CFAP299: variants seen among roughly 807,000 people sequenced by gnomAD.
CFAP299 encodes cilia- and flagella-associated protein 299.
CFAP299 carries 21 observed loss-of-function variants against 27.0 expected under a neutral mutation model. That is an observed-to-expected ratio of 0.78 (90% confidence interval 0.55 to 1.12). The LOEUF (loss-of-function observed/expected upper bound fraction) is 1.12. Ranked by LOEUF, CFAP299 falls within the 50% of genes most tolerant of loss-of-function variation. The pLI is 0.00. For synonymous variants in CFAP299, 104 were observed against 98.1 expected, an observed-to-expected ratio of 1.06 and a Z score of -0.36; for missense variants, 310 against 276.6, an observed-to-expected ratio of 1.12 and a Z score of -0.86.
chr4:80,765,449 C>T (rs957546409), intron 3 of CFAP299, among the ~76,000 whole-genome samples: 7 of 151,834 alleles, frequency 4.6e-5, no homozygotes, highest in African/African-American at 1.7e-4. Flanking sequence ...AGGATGAGCT[C>T]ACAATAAAAA....
intron 2 of CFAP299, among the ~76,000 whole-genome samples, chr4:80,512,150 G>C (rs1295719668): frequency 6.6e-6 from 1 of 151,984 alleles, no homozygotes; most frequent in Non-Finnish European, 1.5e-5. Flanking sequence ...TTCAGTCTTG[G>C]AAGAGGAAAT....
At chr4:80,363,791 A>T (rs1723670066) in intron 2 of CFAP299, among the ~76,000 whole-genome samples, 1 of 152,236 alleles carries the variant, frequency 6.6e-6, no homozygotes, top group Non-Finnish European at 1.5e-5. Context: ...TTGATGACTT[A>T]AAATAACACA....
At chr4:80,366,378 G>T (rs1331200361) in intron 2 of CFAP299, among the ~76,000 whole-genome samples, 2 of 152,096 alleles carry the variant, frequency 1.3e-5, no homozygotes, top group Non-Finnish European at 2.9e-5. Flanking sequence ...AGCTTCACAG[G>T]GGAAAAAGTC....
At chr4:80,378,312 T>C (rs1255147128) in intron 2 of CFAP299, among the ~76,000 whole-genome samples, 2 of 152,208 alleles carry the variant, frequency 1.3e-5, no homozygotes, top group Non-Finnish European at 2.9e-5. Flanking sequence ...TTATCAGTTC[T>C]ACTGGCTATT....
intron 2 of CFAP299, among the ~76,000 whole-genome samples, chr4:80,546,057 T>G (rs1385386660): frequency 1.3e-5 from 2 of 152,026 alleles, no homozygotes; most frequent in African/African-American, 4.8e-5. Context: ...CATCCCTCAG[T>G]GAGAAACCCT....
chr4:80,908,689 C>A (rs1735308478), intron 4 of CFAP299, among the ~76,000 whole-genome samples: 1 of 152,096 alleles, frequency 6.6e-6, no homozygotes, highest in African/African-American at 2.4e-5. Flanking sequence ...TATTGGTGAA[C>A]CACACCTCAG....
At chr4:80,674,868 C>G (rs1417993720) in intron 3 of CFAP299, among the ~76,000 whole-genome samples, 11 of 152,108 alleles carry the variant, frequency 7.2e-5, no homozygotes, top group African/African-American at 2.7e-4. Flanking sequence ...GTTTTCAGCT[C>G]CATCATGTCA....
chr4:80,575,545 C>T lies in CFAP299; in HGVS notation c.243-7548C>T, dbSNP rs1357862897. 6.7e-5 allele frequency among the ~76,000 whole-genome samples: 10 copies of T among 149,100 alleles called. 1 individual carries two copies. The highest frequency in any genetic ancestry group is 1.3e-4 in the Admixed American group (2 of 15,062). ...TATTTGGGTCTTCTCTTTTTTTTTT[C>T]GCAGTCTGGCTAGAGGTTTGCTGAT... On this transcript the variant is annotated intron_variant, in intron 2 of 5. Coordinates refer to ENST00000358105, the MANE Select transcript of CFAP299 (RefSeq NM_152770.3).
intron 3 of CFAP299, among the ~76,000 whole-genome samples, chr4:80,646,071 A>G (rs549466000): frequency 6.6e-6 from 1 of 152,280 alleles, no homozygotes; most frequent in Admixed American, 6.5e-5. Context: ...AAAAGGCAGT[A>G]TCCTTCCCTA....
chr4:80,403,675 T>C (rs1242264962), intron 2 of CFAP299, among the ~76,000 whole-genome samples: 1 of 152,176 alleles, frequency 6.6e-6, no homozygotes, highest in Admixed American at 6.5e-5. Context: ...TACTACAACA[T>C]TGCTCTATTT....
At chr4:80,802,012 G>A (rs1024059309) in intron 3 of CFAP299, among the ~76,000 whole-genome samples, 2 of 151,978 alleles carry the variant, frequency 1.3e-5, no homozygotes, top group African/African-American at 4.8e-5. Flanking sequence ...TGTTGAAGCA[G>A]GAAGTCACTA....
chr4:80,515,816 T>TGTAAGGCTCTGGGATATAGCTGGACGAA (rs1356074609), intron 2 of CFAP299, among the ~76,000 whole-genome samples: 4 of 152,188 alleles, frequency 2.6e-5, no homozygotes, highest in Non-Finnish European at 5.9e-5. Context: ...ATCTCTTATA[T>TGTAAGGCTCTGGGATATAGCTGGACGAA]GTAAGGCTCT....
intron 2 of CFAP299, among the ~76,000 whole-genome samples, chr4:80,445,781 T>C (rs1056743847): frequency 6.6e-6 from 1 of 152,248 alleles, no homozygotes; most frequent in African/African-American, 2.4e-5. Flanking sequence ...TACTAAAAGT[T>C]TAAAAATTCA....
At chr4:80,330,928 G>C (rs1721917921), upstream of CFAP299, among the ~76,000 whole-genome samples, 1 of 152,154 alleles carries the variant, frequency 6.6e-6, no homozygotes, top group African/African-American at 2.4e-5. Flanking sequence ...GTGGTGAAGA[G>C]GGTTGACATA....
At chr4:80,868,216 C>G (rs545025771) in intron 3 of CFAP299, among the ~76,000 whole-genome samples, 6 of 151,342 alleles carry the variant, frequency 4.0e-5, no homozygotes, top group Non-Finnish European at 8.8e-5. Context: ...CTATGTACCT[C>G]TATATTTGCA....
intron 1 of CFAP299, among the ~76,000 whole-genome samples, chr4:80,347,091 T>C (rs187647120): frequency 6.6e-4 from 100 of 152,310 alleles, no homozygotes; most frequent in African/African-American, 2.4e-3. Flanking sequence ...TATTGGTGTT[T>C]AGGAATGCTT....
chr4:80,734,738 T>G (rs1023253116), intron 3 of CFAP299, among the ~76,000 whole-genome samples: 2 of 152,140 alleles, frequency 1.3e-5, no homozygotes, highest in African/African-American at 4.8e-5. Flanking sequence ...TCCCCCATTG[T>G]ACGTTTTTGG....
chr4:80,468,485 A>C (rs1186474210), intron 2 of CFAP299, among the ~76,000 whole-genome samples: 1 of 151,914 alleles, frequency 6.6e-6, no homozygotes, highest in African/African-American at 2.4e-5. Flanking sequence ...TGTTCTCCCG[A>C]AGTGCTGGGA....
chr4:80,529,540 G>A (rs933612072), intron 2 of CFAP299, among the ~76,000 whole-genome samples: 1 of 152,060 alleles, frequency 6.6e-6, no homozygotes, highest in Non-Finnish European at 1.5e-5. Context: ...TTAGGTCCTG[G>A]TACTGTGGTT....
Sources: allele counts gnomAD v4.1 joint callset (sites outside exome capture counted in the v4.1 genomes callset), GRCh38; gene constraint gnomAD v4.1.1; transcripts MANE v1.5; gene names NCBI Gene and HGNC (gene_info 2026-07-23, HGNC 2026-07-21).